The following SAMMSON variants were observed in gnomAD, a reference collection of about 807,000 sequenced individuals.
SAMMSON encodes the protein long intergenic non-protein coding RNA 1212.
intron 4 of SAMMSON, among the ~76,000 whole-genome samples, chr3:70,239,764 CTA>C (rs1193823400): frequency 1.3e-5 from 2 of 152,162 alleles, no homozygotes; most frequent in South Asian, 2.1e-4. Context: ...TCATATCGCC[CTA>C]TGTTATGATT....
chr3:70,366,334 G>T (rs1702919627), intron 9 of SAMMSON, among the ~76,000 whole-genome samples: 1 of 151,514 alleles, frequency 6.6e-6, no homozygotes, highest in Admixed American at 6.6e-5. Flanking sequence ...TCAAAGACCT[G>T]GAAAACTCTG....
At chr3:70,063,828 T>C (rs1413567879) in intron 3 of SAMMSON, among the ~76,000 whole-genome samples, 1 of 152,106 alleles carries the variant, frequency 6.6e-6, no homozygotes, top group Non-Finnish European at 1.5e-5. Flanking sequence ...TTCAGCTGTT[T>C]AATGAAGGCA....
chr3:70,122,446 C>A (rs985378234), intron 4 of SAMMSON, among the ~76,000 whole-genome samples: 1 of 152,186 alleles, frequency 6.6e-6, no homozygotes, highest in African/African-American at 2.4e-5. Flanking sequence ...TGGGCTCCAG[C>A]AATCCACCTG....
chr3:70,184,267 T>G (rs1298007196), intron 4 of SAMMSON: 6 of 152,222 alleles, frequency 3.9e-5, no homozygotes, highest in Non-Finnish European at 7.3e-5. Context: ...ATGCTGAATT[T>G]AACATATATA....
At chr3:70,146,245 A>G (rs1292769104) in intron 4 of SAMMSON, among the ~76,000 whole-genome samples, 1 of 152,028 alleles carries the variant, frequency 6.6e-6, no homozygotes, top group African/African-American at 2.4e-5. Flanking sequence ...TGAGTCCACT[A>G]AACATTTAGA....
chr3:70,020,812 C>G (rs1358661923), intron 3 of SAMMSON, among the ~76,000 whole-genome samples: 1 of 152,056 alleles, frequency 6.6e-6, no homozygotes, highest in Non-Finnish European at 1.5e-5. Context: ...GACATCATTC[C>G]ACGTCATCTT....
At chr3:70,380,856 A>C (rs1703060151) in intron 9 of SAMMSON, among the ~76,000 whole-genome samples, 1 of 152,112 alleles carries the variant, frequency 6.6e-6, no homozygotes, top group Non-Finnish European at 1.5e-5. Flanking sequence ...ATCCATGCCC[A>C]TACAAAGGAC....
At chr3:70,414,981 G>C (rs1037112214) in intron 2 of SAMMSON, among the ~76,000 whole-genome samples, 2 of 152,000 alleles carry the variant, frequency 1.3e-5, no homozygotes, top group African/African-American at 4.8e-5. Flanking sequence ...GAGAAGAGGA[G>C]AGGAAAAAAG....
chr3:70,195,038 G>T (rs1354389971), intron 4 of SAMMSON, among the ~76,000 whole-genome samples: 1 of 152,190 alleles, frequency 6.6e-6, no homozygotes, highest in Non-Finnish European at 1.5e-5. Flanking sequence ...GCTGGACTGA[G>T]AATTGGGTAG....
chr3:70,241,375 C>G (rs1339580201), intron 4 of SAMMSON, among the ~76,000 whole-genome samples: 1 of 152,114 alleles, frequency 6.6e-6, no homozygotes, highest in East Asian at 1.9e-4. Context: ...TTTGTATATG[C>G]ATTCATATTT....
At chr3:70,374,689 C>T (rs776679771) in intron 9 of SAMMSON, among the ~76,000 whole-genome samples, 12 of 152,116 alleles carry the variant, frequency 7.9e-5, no homozygotes, top group Admixed American at 2.6e-4. Context: ...AGTCCTGGCT[C>T]CCTTCTCTAA....
At chr3:70,373,200 A>G (rs1284562162) in intron 9 of SAMMSON, among the ~76,000 whole-genome samples, 1 of 151,726 alleles carries the variant, frequency 6.6e-6, no homozygotes, top group Admixed American at 6.6e-5. Context: ...GTTTTCCTTT[A>G]CCTAGGAATG....
At chr3:70,429,241 G>C (rs987288586) in intron 2 of SAMMSON, among the ~76,000 whole-genome samples, 1 of 152,118 alleles carries the variant, frequency 6.6e-6, no homozygotes, top group Non-Finnish European at 1.5e-5. Flanking sequence ...TCCATTGCTT[G>C]TTTGTATCAG....
At chr3:70,232,265 T>C (rs1479075580) in intron 4 of SAMMSON, among the ~76,000 whole-genome samples, 1 of 152,210 alleles carries the variant, frequency 6.6e-6, no homozygotes, top group Non-Finnish European at 1.5e-5. Flanking sequence ...TAGCTATTAT[T>C]ACTACTGTTA....
At chr3:70,133,338 G>A (rs1026262345) in intron 4 of SAMMSON, among the ~76,000 whole-genome samples, 1 of 152,176 alleles carries the variant, frequency 6.6e-6, no homozygotes, top group Non-Finnish European at 1.5e-5. Flanking sequence ...GAGAGCTTCC[G>A]AGCTGCTGAA....
chr3:70,007,826 A>G (rs2066934784), intron 1 of SAMMSON, among the ~76,000 whole-genome samples: 2 of 152,102 alleles, frequency 1.3e-5, no homozygotes, highest in Non-Finnish European at 2.9e-5. Context: ...TTTTTGTATA[A>G]GGTGTAAGGA....
chr3:70,341,157 C>A (rs2216366), intron 7 of SAMMSON, among the ~76,000 whole-genome samples: 1 of 151,934 alleles, frequency 6.6e-6, no homozygotes, highest in East Asian at 1.9e-4. Flanking sequence ...GATATAGTTT[C>A]TTGATGGAAT....
chr3:70,017,062 C>A (rs533283806), intron 3 of SAMMSON, among the ~76,000 whole-genome samples: 15 of 152,146 alleles, frequency 9.9e-5, no homozygotes, highest in African/African-American at 3.4e-4. Flanking sequence ...ATTGACTTGG[C>A]GATGTGGGCT....
chr3:70,244,677 T>C (rs1160909784), intron 4 of SAMMSON, among the ~76,000 whole-genome samples: 2 of 152,076 alleles, frequency 1.3e-5, no homozygotes, highest in Non-Finnish European at 2.9e-5. Flanking sequence ...AGACTCAAAT[T>C]TGATGGTTAG....
Sources: gnomAD v4.1 joint callset for allele counts (sites outside exome capture counted in the v4.1 genomes callset) on GRCh38, gnomAD v4.1.1 for gene constraint, MANE v1.5 for transcripts, NCBI Gene and HGNC (gene_info 2026-07-23, HGNC 2026-07-21) for gene names.